Variants in OTOF observed in about 807,000 individuals in gnomAD.
OTOF encodes otoferlin.
Under a neutral mutation model 236.8 loss-of-function variants are expected in OTOF, and 218 were observed. The observed-to-expected ratio is 0.92, with a 90% CI of 0.82 to 1.03. The LOEUF (loss-of-function observed/expected upper bound fraction) is 1.03, where lower values mean the gene tolerates loss of function less well. OTOF is among the 50% of genes least tolerant of loss of function. The probability of loss-of-function intolerance (pLI) is 0.00; values close to 1 mark genes in which losing one functional copy is unlikely to be tolerated. For missense variants in OTOF, 2,590 were observed against 2,694.4 expected (o/e 0.96, Z 0.86); for synonymous variants, 1,041 against 1,072.5 (o/e 0.97, Z 0.57).
intron 5 of OTOF, among the ~76,000 whole-genome samples, chr2:26,513,483 G>A (rs796690911): frequency 2.0e-5 from 3 of 152,192 alleles, no homozygotes; most frequent in African/African-American, 7.2e-5. Context: ...GCTGTTTCCT[G>A]CCCACTCAGT....
At chr2:26,530,761 G>C (rs192876020) in intron 2 of OTOF, among the ~76,000 whole-genome samples, 1 of 152,110 alleles carries the variant, frequency 6.6e-6, no homozygotes, top group East Asian at 1.9e-4. Flanking sequence ...GTCTTTCTCA[G>C]GGGTTCTTCA....
intron 1 of OTOF, among the ~76,000 whole-genome samples, chr2:26,557,950 A>G (rs1572506628): frequency 6.6e-6 from 1 of 151,894 alleles, no homozygotes; most frequent in East Asian, 1.9e-4. Context: ...AAGGATGAGA[A>G]AAGACCAGAC....
intron 1 of OTOF, among the ~76,000 whole-genome samples, chr2:26,550,880 C>T (rs1394531390): frequency 3.9e-5 from 6 of 152,250 alleles, no homozygotes; most frequent in East Asian, 1.9e-4. Context: ...TGTTTGGCTG[C>T]GTCCCCCGTG....
At chr2:26,472,331 G>A (rs1376994668) in intron 30 of OTOF, 188 bp downstream of exon 30, 10 of 714,946 alleles carry the variant, frequency 1.4e-5, no homozygotes, top group Non-Finnish European at 2.0e-5. Flanking sequence ...ACACGCACGC[G>A]TGTGCATTCC....
At chr2:26,550,010 C>T (rs1667419873) in intron 1 of OTOF, among the ~76,000 whole-genome samples, 1 of 151,042 alleles carries the variant, frequency 6.6e-6, no homozygotes, top group Admixed American at 6.6e-5. Flanking sequence ...ACTGGGAATA[C>T]AATGAGGTAT....
intron 3 of OTOF, among the ~76,000 whole-genome samples, chr2:26,519,389 A>C (rs1666620662): frequency 6.6e-6 from 1 of 152,240 alleles, no homozygotes; most frequent in Non-Finnish European, 1.5e-5. Flanking sequence ...GGAAAGGTGC[A>C]TGAAATCCAG....
chr2:26,460,514 A>G lies in OTOF; in HGVS notation c.5813+133T>C. The G allele has an allele frequency of 1.3e-6, 1 of 759,728 alleles. No individual in the cohort carries two copies. Among genetic ancestry groups the G allele is most frequent in the Non-Finnish European group, 2.3e-6 (1 of 438,488 alleles). The allele number at this position is 759,728 out of a possible 1,614,324, so 47.1% of individuals were successfully genotyped here. ...ACGTTGTGGGATTCAGGGTTGGCAG[A>G]GGGCAGGGAGGAGGCTCCCCTGTAA... On this transcript the variant is annotated intron_variant, in intron 45 of 46. Coordinates refer to ENST00000272371, the MANE Select transcript of OTOF (RefSeq NM_194248.3). This position sits in a 1 kb window ranked among gnomAD's most constrained non-coding sequence, Gnocchi z 5.3.
intron 1 of OTOF, among the ~76,000 whole-genome samples, chr2:26,545,872 C>A (rs994202460): frequency 6.6e-6 from 1 of 152,098 alleles, no homozygotes; most frequent in African/African-American, 2.4e-5. Context: ...TATGTCTATT[C>A]TTAGACCAAT....
chr2:26,463,838 G>C lies in OTOF; in HGVS notation c.5103+126C>G, dbSNP rs60123071. ...TACCCTGAGGGGCCTTGGTGGGAAG[G>C]TGCCTGCCAGGCTTTCTGGAATGCA... On this transcript the variant is annotated intron_variant, in intron 40 of 46. Transcript: ENST00000272371. 4.3e-3 allele frequency: 5,632 copies of C among 1,318,202 alleles called. 83 individuals are homozygous for C. The African/African-American group carries it at 0.048, about 11-fold the overall frequency. 81.7% of individuals were successfully genotyped at this position (1,318,202 alleles called of 1,614,324 possible). A position where few individuals can be genotyped will look rare whatever the true frequency, so the allele number is the denominator to read the frequency against.
intron 1 of OTOF, among the ~76,000 whole-genome samples, 166 bp from the exon 2 acceptor site, chr2:26,537,940 G>A (rs951572876): frequency 2.6e-5 from 4 of 152,158 alleles, no homozygotes; most frequent in South Asian, 2.1e-4. Flanking sequence ...GTCCCCATGC[G>A]GCTTCTTCTC....
chr2:26,459,488 C>G (rs999786792), intron 46 of OTOF, among the ~76,000 whole-genome samples: 1 of 147,554 alleles, frequency 6.8e-6, no homozygotes, highest in African/African-American at 2.5e-5. Flanking sequence ...GGAGGCGGAG[C>G]TGGCAGTGAG....
rs754508360 is a variant in OTOF at position 26,519,035 on chromosome 2, A to G, written c.302T>C (p.Ile101Thr). ...CTTGATGATAGCATTGTTGTCATCA[A>G]TCAGCGTGTCAGTCACCTCCACATG... The part of the protein sequence containing the change: ...ESHVEVTDTL[I>T]DDNNAIIKTS... The change falls in exon 4 of 47, where the codon ATT becomes ACT. Residue 101 changes from isoleucine to threonine, a missense_variant. Around this residue, in one of 2 missense-constraint regions of OTOF, gnomAD observed 1,379 missense variants for 1,341.6 expected, o/e 1.03. Coordinates refer to ENST00000272371, the MANE Select transcript of OTOF (RefSeq NM_194248.3). The G allele has an allele frequency of 1.7e-5, 28 of 1,609,922 alleles. No individual in the cohort carries two copies. The East Asian group carries it at 5.1e-4, about 29-fold the overall frequency.
intron 13 of OTOF, 73 bp downstream of exon 13, chr2:26,483,389 C>T: frequency 7.2e-7 from 1 of 1,392,918 alleles, no homozygotes; most frequent in Non-Finnish European, 1.0e-6. Context: ...CTGCCCCAGG[C>T]CCCACACCCA....
At chr2:26,501,961 T>C (rs1304375320) in intron 7 of OTOF, among the ~76,000 whole-genome samples, 153 bp from the exon 8 acceptor site, 1 of 152,098 alleles carries the variant, frequency 6.6e-6, no homozygotes, top group African/African-American at 2.4e-5. Flanking sequence ...GGATTAGTTG[T>C]CTTCAGAGGC....
At chr2:26,467,059 C>T (rs559852400) in intron 35 of OTOF, 40 bp downstream of exon 35, 3 of 1,608,990 alleles carry the variant, frequency 1.9e-6, no homozygotes, top group Admixed American at 1.7e-5. Context: ...GGGGCAAGGG[C>T]TGGCGGGTGC....
chr2:26,521,053 C>A (rs138488213), intron 3 of OTOF, among the ~76,000 whole-genome samples: 1 of 152,260 alleles, frequency 6.6e-6, no homozygotes, highest in Non-Finnish European at 1.5e-5. Context: ...TGTGAAGTCA[C>A]CAAACTGGGT....
chr2:26,473,576 G>C lies in OTOF; in HGVS notation c.3409-9C>G. The C allele has an allele frequency of 6.3e-7, 1 of 1,597,624 alleles. No individual in the cohort carries two copies. The highest frequency in any genetic ancestry group is 1.7e-4 in the Middle Eastern group (1 of 6,014). On this transcript the variant is annotated splice_polypyrimidine_tract_variant and intron_variant, in intron 27 of 46. Transcript: ENST00000272371. This position sits in a 1 kb window ranked among gnomAD's most constrained non-coding sequence, Gnocchi z 7.2. ...AGGCCCCAGAACAGCACCTGGGAGA[G>C]GTTGGAGGGTGGGTGCAGAGAAGAG...
At position 26,475,445 on chromosome 2, in the gene OTOF, C is replaced by T. The variant is rs199771991; in HGVS notation, c.3040G>A (p.Asp1014Asn). 60 of 1,612,946 alleles carry T rather than the reference C, an allele frequency of 3.7e-5. No homozygotes were observed. Among genetic ancestry groups the T allele is most frequent in the Admixed American group, 8.3e-5 (5 of 59,994 alleles). The part of the protein sequence containing the change: ...CPTWDQMLVF[D>N]NLELYGEAHE... ...GCTTCACCATAGAGCTCCAGGTTGT[C>T]GAACACCAGCATCTGGTCCCAGGTG... is the stretch of plus-strand genomic sequence containing the variant. Residue 1014 changes from aspartate (D) to asparagine (N), a missense_variant, in exon 25 of 47, where the codon GAC (aspartate) becomes AAC (asparagine). This residue lies in a region of OTOF where 1,211 missense variants were observed against 1,352.8 expected (regional missense o/e 0.90). Transcript: ENST00000272371.
intron 18 of OTOF, chr2:26,478,055 G>C: frequency 7.0e-7 from 1 of 1,430,452 alleles, no homozygotes; most frequent in Non-Finnish European, 9.1e-7. Flanking sequence ...ACGGGGCTCA[G>C]GGCTGGCCAG....
Sources: gnomAD v4.1 joint callset for allele counts (sites outside exome capture counted in the v4.1 genomes callset) on GRCh38, gnomAD v4.1.1 for gene constraint, gnomAD v4.1.1 regional missense constraint, Gnocchi (gnomAD v3.1) non-coding constraint, MANE v1.5 for transcripts, NCBI Gene and HGNC (gene_info 2026-07-23, HGNC 2026-07-21) for gene names.